The following CMIP variants were observed in gnomAD, a reference collection of about 807,000 sequenced individuals.
CMIP encodes the protein c-Maf inducing protein.
A neutral mutation model predicts 97.3 loss-of-function variants in CMIP; 13 were observed. The observed-to-expected ratio is 0.13, with a 90% confidence interval of 0.09 to 0.21. CMIP has a LOEUF of 0.21. Among genes scored for constraint, CMIP ranks in the 10% least tolerant of loss-of-function variants. The pLI is 1.00. For synonymous variants in CMIP, 538 were observed against 436.3 expected (o/e 1.23, Z -2.91); for missense variants, 847 against 1,024.9 (o/e 0.83, Z 2.37).
At chr16:81,686,683 A>G (rs765520403) in intron 10 of CMIP, among the ~76,000 whole-genome samples, 7 of 152,062 alleles carry the variant, frequency 4.6e-5, no homozygotes, top group Non-Finnish European at 1.0e-4. Context: ...CTGCCACTCT[A>G]TCGTGGGCTT....
intron 7 of CMIP, chr16:81,664,707 G>C: frequency 6.6e-6 from 3 of 455,832 alleles, no homozygotes; most frequent in Non-Finnish European, 7.7e-6. Flanking sequence ...GCACAGCGAG[G>C]TCCTTCCAGA....
At chr16:81,498,002 C>T (rs1208575462) in intron 1 of CMIP, among the ~76,000 whole-genome samples, 1 of 152,238 alleles carries the variant, frequency 6.6e-6, no homozygotes, top group Non-Finnish European at 1.5e-5. Flanking sequence ...TTTCGGTTTC[C>T]TTTTCATTGT....
At chr16:81,455,843 C>T (rs1906513935) in intron 1 of CMIP, among the ~76,000 whole-genome samples, 1 of 152,190 alleles carries the variant, frequency 6.6e-6, no homozygotes, top group African/African-American at 2.4e-5. Context: ...TCAGGGAGGC[C>T]TGGTGGGAAG....
intron 1 of CMIP, among the ~76,000 whole-genome samples, chr16:81,525,039 G>A (rs533424066): frequency 2.0e-5 from 3 of 152,062 alleles, no homozygotes; most frequent in African/African-American, 4.8e-5. Context: ...CAAGTGATCC[G>A]CCCACCTCGG....
intron 7 of CMIP, among the ~76,000 whole-genome samples, chr16:81,668,460 C>G: frequency 6.6e-6 from 1 of 152,200 alleles, no homozygotes; most frequent in East Asian, 1.9e-4. Context: ...CTTCCTGCCT[C>G]CTGGCAGAGC....
intron 1 of CMIP, among the ~76,000 whole-genome samples, chr16:81,452,367 C>T (rs948619698): frequency 6.6e-6 from 1 of 152,116 alleles, no homozygotes; most frequent in African/African-American, 2.4e-5. Flanking sequence ...TGAGGTGAGG[C>T]CTGGCGGTGC....
intron 10 of CMIP, among the ~76,000 whole-genome samples, chr16:81,679,498 T>C (rs1180964779): frequency 2.6e-5 from 4 of 152,072 alleles, no homozygotes; most frequent in Non-Finnish European, 5.9e-5. Flanking sequence ...TGCATATGCA[T>C]GTGTCTGAGT....
At chr16:81,468,691 A>T (rs1029941665) in intron 1 of CMIP, among the ~76,000 whole-genome samples, 3 of 152,246 alleles carry the variant, frequency 2.0e-5, no homozygotes, top group Non-Finnish European at 4.4e-5. Context: ...CCCGCAAACG[A>T]GGGTGACTCA....
At chr16:81,466,500 C>A (rs907180392) in intron 1 of CMIP, among the ~76,000 whole-genome samples, 1 of 152,200 alleles carries the variant, frequency 6.6e-6, no homozygotes, top group African/African-American at 2.4e-5. Flanking sequence ...GCTTGGCGAG[C>A]CTCAGTTTCC....
intron 3 of CMIP, among the ~76,000 whole-genome samples, chr16:81,640,408 C>T (rs530288489): frequency 6.6e-6 from 1 of 152,068 alleles, no homozygotes; most frequent in African/African-American, 2.4e-5. Context: ...GGCTGGACGG[C>T]TCAGCTCGAG....
At chr16:81,629,616 A>G (rs549772222) in intron 3 of CMIP, among the ~76,000 whole-genome samples, 1 of 152,318 alleles carries the variant, frequency 6.6e-6, no homozygotes, top group South Asian at 2.1e-4. Context: ...AGCTCCTGCC[A>G]GTTATGACCT....
At chr16:81,562,711 A>G (rs1031318952) in intron 1 of CMIP, among the ~76,000 whole-genome samples, 9 of 152,266 alleles carry the variant, frequency 5.9e-5, no homozygotes, top group African/African-American at 1.9e-4. Flanking sequence ...GTCCAGTGCC[A>G]GATGGCACAG....
intron 1 of CMIP, chr16:81,518,343 C>T (rs2089955393): frequency 6.6e-6 from 1 of 152,168 alleles, no homozygotes; most frequent in African/African-American, 2.4e-5. Flanking sequence ...GATGTCGGGA[C>T]CGTGAATTAA....
At chr16:81,642,906 G>A (rs542841359) in intron 3 of CMIP, among the ~76,000 whole-genome samples, 7 of 130,246 alleles carry the variant, frequency 5.4e-5, no homozygotes, top group African/African-American at 2.2e-4. Context: ...GCAAAAAAAA[G>A]AAAGAAAGAA....
intron 1 of CMIP, among the ~76,000 whole-genome samples, chr16:81,456,939 C>T (rs376460581): frequency 2.0e-5 from 3 of 152,160 alleles, no homozygotes; most frequent in Non-Finnish European, 2.9e-5. Context: ...GGCAGAGGAT[C>T]GCTTCTCACC....
At chr16:81,593,705 A>G (rs1377300177) in intron 1 of CMIP, among the ~76,000 whole-genome samples, 1 of 152,118 alleles carries the variant, frequency 6.6e-6, no homozygotes, top group Non-Finnish European at 1.5e-5. Context: ...GCTGGCACAA[A>G]TGGATCCTCG....
At chr16:81,591,256 G>C (rs1457020561) in intron 1 of CMIP, among the ~76,000 whole-genome samples, 1 of 152,140 alleles carries the variant, frequency 6.6e-6, no homozygotes, top group Non-Finnish European at 1.5e-5. Context: ...TCTTTGAGCA[G>C]TTGACCCAGT....
At chr16:81,670,938 C>T (rs1402578361) in intron 8 of CMIP, among the ~76,000 whole-genome samples, 1 of 152,188 alleles carries the variant, frequency 6.6e-6, no homozygotes, top group African/African-American at 2.4e-5. Context: ...AAGCAATTCT[C>T]CTGCCTCAGC....
chr16:81,661,819 A>G (rs750838420), intron 6 of CMIP, among the ~76,000 whole-genome samples: 7 of 152,142 alleles, frequency 4.6e-5, no homozygotes, highest in Non-Finnish European at 8.8e-5. Flanking sequence ...AAGGGAGACA[A>G]GATTCAGTTG....
Sources: gnomAD v4.1 joint callset for allele counts (sites outside exome capture counted in the v4.1 genomes callset) on GRCh38, gnomAD v4.1.1 for gene constraint, MANE v1.5 for transcripts, NCBI Gene and HGNC (gene_info 2026-07-23, HGNC 2026-07-21) for gene names.